Variants in TMTC1 observed in about 807,000 individuals in gnomAD.
The protein encoded by TMTC1 is transmembrane O-mannosyltransferase targeting cadherins 1.
A neutral mutation model predicts 104.8 loss-of-function variants in TMTC1; 73 were observed. The observed-to-expected ratio is 0.70, with a 90% CI of 0.58 to 0.85. The LOEUF (loss-of-function observed/expected upper bound fraction) is 0.85. Among genes scored for constraint, TMTC1 ranks in the 40% least tolerant of loss-of-function variants. The probability of loss-of-function intolerance (pLI) is 0.00; values close to 1 mark genes in which losing one functional copy is unlikely to be tolerated. For synonymous variants in TMTC1, 434 were observed against 428.7 expected, an observed-to-expected ratio of 1.01 and a Z score of -0.15; for missense variants, 1,035 against 1,096.1, an observed-to-expected ratio of 0.94 and a Z score of 0.79.
chr12:29,577,859 T>G (rs1945866541), intron 8 of TMTC1, among the ~76,000 whole-genome samples: 1 of 152,176 alleles, frequency 6.6e-6, no homozygotes, highest in African/African-American at 2.4e-5. Context: ...CAAATGATAG[T>G]ATCCAACATA....
intron 6 of TMTC1, among the ~76,000 whole-genome samples, chr12:29,616,740 AT>A (rs1358315785): frequency 6.6e-6 from 1 of 151,302 alleles, no homozygotes; most frequent in Non-Finnish European, 1.5e-5. Flanking sequence ...ACTGATGGCC[AT>A]TTTCTACACT....
Position 29,659,494 on chromosome 12 carries a change from A to G in TMTC1, c.939-26158T>C, listed in dbSNP as rs111843751. 6.4e-3 allele frequency among the ~76,000 whole-genome samples: 972 copies of G among 152,280 alleles called. 12 individuals are homozygous for G. Among genetic ancestry groups the G allele is most frequent in the African/African-American group, 0.023 (940 of 41,540 alleles). Reference sequence around the variant, plus strand: ...GATCACTGCACACAGTCAGCTCACCATCATCTTCGGCCATGAATGGAAGCA... The same window carrying G: ...GATCACTGCACACAGTCAGCTCACCGTCATCTTCGGCCATGAATGGAAGCA... On this transcript the variant is annotated intron_variant, in intron 5 of 17. Transcript: ENST00000539277.
chr12:29,599,901 CAT>C (rs1491383920), intron 7 of TMTC1, among the ~76,000 whole-genome samples: 2 of 138,914 alleles, frequency 1.4e-5, no homozygotes, highest in African/African-American at 6.0e-5. Flanking sequence ...TGTATATATA[CAT>C]GTGTATATAT....
At chr12:29,571,605 C>T (rs1056477169) in intron 9 of TMTC1, among the ~76,000 whole-genome samples, 6 of 151,714 alleles carry the variant, frequency 4.0e-5, no homozygotes, top group Non-Finnish European at 8.8e-5. Flanking sequence ...CACACACACA[C>T]ACAATTAACG....
At chr12:29,750,616 G>C (rs1943066885) in intron 5 of TMTC1, among the ~76,000 whole-genome samples, 1 of 152,196 alleles carries the variant, frequency 6.6e-6, no homozygotes, top group South Asian at 2.1e-4. Flanking sequence ...TGGAAACAAA[G>C]ACTGCAGAAA....
intron 5 of TMTC1, among the ~76,000 whole-genome samples, chr12:29,696,651 T>C (rs114153207): frequency 0.012 from 1,800 of 152,320 alleles, 22 homozygotes; most frequent in African/African-American, 0.041. Context: ...GCTACGGTTC[T>C]AATTTTTAAA....
intron 5 of TMTC1, among the ~76,000 whole-genome samples, chr12:29,745,653 G>T (rs751240834): frequency 6.8e-6 from 1 of 146,342 alleles, no homozygotes; most frequent in South Asian, 2.2e-4. Context: ...AGAAGCTGAA[G>T]AAGGGAAAAA....
chr12:29,709,516 T>G (rs1941840947), intron 5 of TMTC1, among the ~76,000 whole-genome samples: 2 of 152,050 alleles, frequency 1.3e-5, no homozygotes, highest in South Asian at 4.1e-4. Flanking sequence ...ACAATACATT[T>G]CCATGTTCCA....
At chr12:29,682,701 G>A (rs564039957) in intron 5 of TMTC1, among the ~76,000 whole-genome samples, 1 of 152,308 alleles carries the variant, frequency 6.6e-6, no homozygotes, top group East Asian at 1.9e-4. Flanking sequence ...AGTGACACAA[G>A]TACAGAGATG....
At chr12:29,614,047 T>C in intron 6 of TMTC1, 1 of 305,562 alleles carries the variant, frequency 3.3e-6, no homozygotes, top group Non-Finnish European at 4.8e-6. Context: ...GATCTAAATG[T>C]TTTAGAGTAG....
intron 9 of TMTC1, among the ~76,000 whole-genome samples, chr12:29,558,046 C>T (rs1945290683): frequency 6.6e-6 from 1 of 152,164 alleles, no homozygotes; most frequent in Non-Finnish European, 1.5e-5. Flanking sequence ...ATGAGGTGGA[C>T]ATCAGTATAT....
At chr12:29,698,703 T>C (rs1941496054) in intron 5 of TMTC1, among the ~76,000 whole-genome samples, 1 of 152,212 alleles carries the variant, frequency 6.6e-6, no homozygotes, top group Admixed American at 6.5e-5. Flanking sequence ...ACCTCAGATA[T>C]TAATCATGAC....
intron 11 of TMTC1, among the ~76,000 whole-genome samples, chr12:29,529,600 C>T (rs534937599): frequency 3.3e-5 from 5 of 152,270 alleles, no homozygotes; most frequent in South Asian, 4.1e-4. Flanking sequence ...CTCATGTCAA[C>T]GACTTCTCCA....
chr12:29,628,836 AT>A (rs1938143491), intron 6 of TMTC1, among the ~76,000 whole-genome samples: 2 of 151,742 alleles, frequency 1.3e-5, no homozygotes, highest in Middle Eastern at 3.2e-3. Flanking sequence ...TAATTTTTGT[AT>A]TTTTAGTAGA....
intron 9 of TMTC1, among the ~76,000 whole-genome samples, chr12:29,559,479 T>C (rs1322190784): frequency 6.6e-6 from 1 of 152,184 alleles, no homozygotes; most frequent in African/African-American, 2.4e-5. Flanking sequence ...AGAATTCAAG[T>C]CCACCCTGAA....
chr12:29,564,466 G>A (rs1945455984), intron 9 of TMTC1, among the ~76,000 whole-genome samples: 2 of 152,238 alleles, frequency 1.3e-5, no homozygotes, highest in African/African-American at 4.8e-5. Context: ...AAGCAAGAGA[G>A]CATGGTGTCA....
At chr12:29,517,706 CA>C in intron 13 of TMTC1, 135 bp from the exon 14 acceptor site, 1 of 1,042,974 alleles carries the variant, frequency 9.6e-7, no homozygotes, top group Non-Finnish European at 1.4e-6. Context: ...ATATCAATAA[CA>C]AGGTTTTTGG....
intron 6 of TMTC1, among the ~76,000 whole-genome samples, chr12:29,608,495 A>T (rs921825055): frequency 6.6e-6 from 1 of 152,228 alleles, no homozygotes; most frequent in Non-Finnish European, 1.5e-5. Context: ...ATTATAATAC[A>T]TGACATTTGA....
chr12:29,573,592 T>C (rs74568314), intron 8 of TMTC1, among the ~76,000 whole-genome samples: 2,467 of 152,156 alleles, frequency 0.016, 70 homozygotes, highest in African/African-American at 0.057. Flanking sequence ...TATCCCAGAA[T>C]GGGATCAAGA....
Sources: allele counts gnomAD v4.1 joint callset (sites outside exome capture counted in the v4.1 genomes callset), GRCh38; gene constraint gnomAD v4.1.1; transcripts MANE v1.5; gene names NCBI Gene and HGNC (gene_info 2026-07-23, HGNC 2026-07-21).